PUS7L: variants seen among roughly 807,000 people sequenced by gnomAD.
PUS7L encodes pseudouridylate synthase PUS7L.
PUS7L carries 49 observed loss-of-function variants against 51.1 expected under a neutral mutation model. The observed-to-expected ratio is 0.96, with a 90% CI of 0.76 to 1.22. The LOEUF (loss-of-function observed/expected upper bound fraction) is 1.22. Ranked by LOEUF, PUS7L falls within the 50% of genes most tolerant of loss-of-function variation. The pLI, the probability that PUS7L is intolerant of heterozygous loss-of-function variation, is 0.00. For synonymous variants in PUS7L, 277 were observed against 276.2 expected (o/e 1.00, Z -0.03); for missense variants, 828 against 820.6 (o/e 1.01, Z -0.11).
At chr12:43,733,029 C>T (rs1439058324) in intron 7 of PUS7L, among the ~76,000 whole-genome samples, 3 of 152,138 alleles carry the variant, frequency 2.0e-5, no homozygotes, top group Non-Finnish European at 4.4e-5. Context: ...AGGTATAAAA[C>T]ACCATGCTTT....
chr12:43,757,437 C>T (rs1938824634), intron 1 of PUS7L, among the ~76,000 whole-genome samples: 1 of 152,238 alleles, frequency 6.6e-6, no homozygotes, highest in African/African-American at 2.4e-5. Flanking sequence ...TCCCAAAGTG[C>T]TGGGGTTACA....
At position 43,730,097 on chromosome 12, in the gene PUS7L, T is replaced by A. The variant is rs969333953; in HGVS notation, c.*279A>T. On this transcript the variant is annotated 3_prime_UTR_variant, in exon 9 of 9. Coordinates refer to ENST00000344862, the MANE Select transcript of PUS7L (RefSeq NM_031292.5). ...CAGTATTATATATATTCCTAATGGT[T>A]TTAAAAGATTGTAACTTTATGACAC... 5.8e-6 allele frequency: 2 copies of A among 343,746 alleles called. No individual in the cohort carries two copies. The highest frequency in any genetic ancestry group is 1.1e-5 in the Non-Finnish European group (2 of 188,224). 21.3% of individuals were successfully genotyped at this position (343,746 alleles called of 1,614,324 possible).
rs1398842928 is a variant in PUS7L at position 43,725,424 on chromosome 12, G to A, written c.*4952C>T. The A allele has an allele frequency of 1.4e-5, 2 of 142,950 alleles. No individual in the cohort carries two copies. Among genetic ancestry groups the A allele is most frequent in the Non-Finnish European group, 3.0e-5 (2 of 66,740 alleles). 8.9% of individuals were successfully genotyped at this position (142,950 alleles called of 1,614,324 possible). ...AATGGAAGTTATATTTTAATTTTTA[G>A]TTTAGTTTTTTTTTTTTTTTGAGGT... is the stretch of plus-strand genomic sequence containing the variant. On this transcript the variant is annotated 3_prime_UTR_variant, in exon 9 of 9. Coordinates refer to ENST00000344862, the MANE Select transcript of PUS7L (RefSeq NM_031292.5).
At chr12:43,742,094 T>C (rs1937928840) in intron 5 of PUS7L, among the ~76,000 whole-genome samples, 1 of 152,224 alleles carries the variant, frequency 6.6e-6, no homozygotes. Flanking sequence ...ACTGCTCCCC[T>C]TTTAGTCTCT....
intron 1 of PUS7L, 74 bp downstream of exon 1, chr12:43,758,656 C>A (rs1939015533): frequency 3.8e-6 from 2 of 527,496 alleles, no homozygotes; most frequent in Non-Finnish European, 4.3e-6. Context: ...ACCTCGTCAC[C>A]CCCCCCCCCC....
rs544092425 is a variant in PUS7L at position 43,757,176 on chromosome 12, T to C, written c.-17+1554A>G. On this transcript the variant is annotated intron_variant, in intron 1 of 8. Coordinates refer to ENST00000344862, the MANE Select transcript of PUS7L (RefSeq NM_031292.5). ...TAATCTACAGGAACCTGCAAGTGAT[T>C]CTCTTTTTTTTTGAGACGAAGTCTC... Among the ~76,000 whole-genome samples the C allele has an allele frequency of 2.0e-5, 3 of 151,804 alleles. No individual in the cohort carries two copies. The East Asian group carries it at 5.8e-4, about 29-fold the overall frequency.
intron 6 of PUS7L, 181 bp downstream of exon 6, chr12:43,738,129 C>G: frequency 1.9e-6 from 1 of 514,508 alleles, no homozygotes; most frequent in Non-Finnish European, 3.4e-6. Flanking sequence ...AAAAAACTTC[C>G]AAATCTGACC....
chr12:43,758,669 AC>A, intron 1 of PUS7L, 60 bp downstream of exon 1: 3 of 402,950 alleles, frequency 7.4e-6, no homozygotes, highest in Non-Finnish European at 8.3e-6. Flanking sequence ...CCCCCCCCAC[AC>A]ACACACACAC....
chr12:43,730,174 T>A lies in PUS7L; in HGVS notation c.*202A>T. On this transcript the variant is annotated 3_prime_UTR_variant, in exon 9 of 9. Transcript: ENST00000344862. ...TAGAAAAAAAACACAGGCTTTGGGG[T>A]CACATGGACCTTAAATTTGGACCCT... is the stretch of plus-strand genomic sequence containing the variant. The A allele has an allele frequency of 5.7e-6, 3 of 527,732 alleles. No individual in the cohort carries two copies. The highest frequency in any genetic ancestry group is 3.0e-5 in the South Asian group (1 of 32,920). The allele number at this position is 527,732 out of a possible 1,614,324, so 32.7% of individuals were successfully genotyped here.
At chr12:43,748,717 T>TTTGTTG (rs560116165) in intron 2 of PUS7L, 108 bp from the exon 3 acceptor site, 1 of 929,764 alleles carries the variant, frequency 1.1e-6, no homozygotes, top group Non-Finnish European at 1.5e-6. Flanking sequence ...TCTAAGGAGT[T>TTTGTTG]TTGTTGTTGT....
intron 2 of PUS7L, among the ~76,000 whole-genome samples, chr12:43,749,686 T>C (rs1003656387): frequency 3.3e-5 from 5 of 151,812 alleles, no homozygotes; most frequent in Non-Finnish European, 7.4e-5. Context: ...AAAAAGGTGG[T>C]ACATATACAC....
rs1944497284 is a variant in PUS7L at position 43,729,207 on chromosome 12, G to C, written c.*1169C>G. ...AAAACTGTTTTTAGTGTCTGTATAT[G>C]AAAATATTGCAATAAGCAAATTTTG... On this transcript the variant is annotated 3_prime_UTR_variant, in exon 9 of 9. Transcript: ENST00000344862. 1 of 397,724 alleles carries C rather than the reference G, an allele frequency of 2.5e-6. No individual in the cohort carries two copies. Among genetic ancestry groups the C allele is most frequent in the Non-Finnish European group, 4.4e-6 (1 of 225,586 alleles). 24.6% of individuals were successfully genotyped at this position (397,724 alleles called of 1,614,324 possible). A position where few individuals can be genotyped will look rare whatever the true frequency, so the allele number is the denominator to read the frequency against.
chr12:43,751,840 C>T (rs1394281554), intron 2 of PUS7L, among the ~76,000 whole-genome samples: 2 of 152,164 alleles, frequency 1.3e-5, no homozygotes, highest in African/African-American at 4.8e-5. Context: ...CCTATTTCTC[C>T]ACATCCTCTC....
Position 43,736,585 on chromosome 12 carries a change from G to A in PUS7L, c.1521C>T (p.Arg507=), listed in dbSNP as rs761879803. ...TACAACCTTCCTCGGTCATGCCAAA[G>A]CGGTGCAATGCCTCCAACAATGCTC... ...RERALLEALH[R]FGMTEEGCIQ... is the part of the protein sequence containing the mutation. Residue 507 remains arginine, a synonymous_variant, in exon 7 of 9, where the codon CGC becomes CGT. Transcript: ENST00000344862. 1.2e-6 allele frequency: 2 copies of A among 1,614,072 alleles called. No homozygotes were observed. Among genetic ancestry groups the A allele is most frequent in the Admixed American group, 3.3e-5 (2 of 60,028 alleles).
intron 4 of PUS7L, among the ~76,000 whole-genome samples, chr12:43,745,708 C>G: frequency 6.7e-6 from 1 of 150,338 alleles, no homozygotes; most frequent in East Asian, 1.9e-4. Context: ...AATTTCCAAA[C>G]AATAAATTCC....
chr12:43,753,035 A>G (rs1472618847), intron 2 of PUS7L, among the ~76,000 whole-genome samples: 2 of 152,194 alleles, frequency 1.3e-5, no homozygotes, highest in Non-Finnish European at 2.9e-5. Flanking sequence ...TCATTAACCC[A>G]AATTAATATT....
Position 43,758,236 on chromosome 12 carries a change from A to G in PUS7L, c.-17+494T>C, listed in dbSNP as rs1938937290. 3.6e-6 allele frequency: 3 copies of G among 839,126 alleles called. No individual in the cohort carries two copies. The South Asian group carries it at 1.6e-4, about 45-fold the overall frequency. The allele number at this position is 839,126 out of a possible 1,614,324, so 52.0% of individuals were successfully genotyped here. A position where few individuals can be genotyped will look rare whatever the true frequency, so the allele number is the denominator to read the frequency against. On this transcript the variant is annotated intron_variant, in intron 1 of 8. Coordinates refer to ENST00000344862, the MANE Select transcript of PUS7L (RefSeq NM_031292.5). ...TCTAAGCAAGTGAAACAGGTAGGGA[A>G]ACTTGGGGAGAATGTAATTCCAGCA...
At chr12:43,740,297 C>T (rs1260084616) in intron 5 of PUS7L, among the ~76,000 whole-genome samples, 1 of 152,086 alleles carries the variant, frequency 6.6e-6, no homozygotes. Context: ...TTTTCTTTTA[C>T]AGCATTCATT....
At chr12:43,748,391 C>A (rs1938274045) in intron 3 of PUS7L, 59 bp downstream of exon 3, 7 of 1,240,238 alleles carry the variant, frequency 5.6e-6, no homozygotes, top group Non-Finnish European at 7.9e-6. Context: ...ACCATTTAGA[C>A]AATTTAAATC....
Sources: gnomAD v4.1 joint callset for allele counts (sites outside exome capture counted in the v4.1 genomes callset) on GRCh38, gnomAD v4.1.1 for gene constraint, MANE v1.5 for transcripts, NCBI Gene and HGNC (gene_info 2026-07-23, HGNC 2026-07-21) for gene names.